USP32: variants seen among roughly 807,000 people sequenced by gnomAD.
The protein encoded by USP32 is ubiquitin carboxyl-terminal hydrolase 32.
A neutral mutation model predicts 204.8 loss-of-function variants in USP32; 59 were observed. That is an observed-to-expected ratio of 0.29 (90% CI 0.23 to 0.36). The LOEUF is 0.36. Ranked by LOEUF, USP32 falls within the 10% of genes least tolerant of loss-of-function variation. USP32 has a pLI of 1.00. For missense variants in USP32, 1,160 were observed against 1,946.4 expected, an observed-to-expected ratio of 0.60 and a Z score of 7.60; for synonymous variants, 517 against 678.4, an observed-to-expected ratio of 0.76 and a Z score of 3.70.
At chr17:60,180,183 G>A (rs535439001) in intron 33 of USP32, among the ~76,000 whole-genome samples, 1 of 151,834 alleles carries the variant, frequency 6.6e-6, no homozygotes, top group Non-Finnish European at 1.5e-5. Context: ...GCGCCAACAC[G>A]CCCAACTAAT....
chr17:60,386,320 T>C (rs377625284), intron 1 of USP32, among the ~76,000 whole-genome samples: 47 of 149,622 alleles, frequency 3.1e-4, no homozygotes, highest in African/African-American at 1.0e-3. Flanking sequence ...CCCACCTTAA[T>C]CTTCTCAGTA....
chr17:60,201,847 T>TG (rs1278890188), intron 26 of USP32, among the ~76,000 whole-genome samples: 1 of 152,084 alleles, frequency 6.6e-6, no homozygotes, highest in African/African-American at 2.4e-5. Flanking sequence ...TTAGTAGAGA[T>TG]GGAGTTTCAC....
chr17:60,402,404 C>T (rs2089943467), intron 1 of USP32, among the ~76,000 whole-genome samples: 1 of 151,986 alleles, frequency 6.6e-6, no homozygotes, highest in African/African-American at 2.4e-5. Flanking sequence ...GCACACACCA[C>T]CACACCTGGC....
At chr17:60,408,697 A>G (rs942293694) in intron 1 of USP32, among the ~76,000 whole-genome samples, 17 of 152,240 alleles carry the variant, frequency 1.1e-4, no homozygotes, top group African/African-American at 4.1e-4. Flanking sequence ...CAACTTTTAT[A>G]TAACAAAGTT....
intron 15 of USP32, among the ~76,000 whole-genome samples, chr17:60,220,601 A>T (rs1329931869): frequency 2.6e-5 from 4 of 152,198 alleles, no homozygotes; most frequent in Middle Eastern, 3.4e-3. Context: ...GTAGTAAATG[A>T]TCAATTTCAT....
chr17:60,312,860 A>T (rs1323157596), intron 2 of USP32, among the ~76,000 whole-genome samples: 1 of 152,208 alleles, frequency 6.6e-6, no homozygotes, highest in Non-Finnish European at 1.5e-5. Flanking sequence ...ACTCAAACAC[A>T]ACATAAGGCC....
At chr17:60,276,204 C>T (rs970208771) in intron 5 of USP32, among the ~76,000 whole-genome samples, 12 of 152,020 alleles carry the variant, frequency 7.9e-5, no homozygotes, top group African/African-American at 2.9e-4. Context: ...CATAGTGAGA[C>T]CCTGTTTCAA....
At chr17:60,413,187 AT>A (rs2090031680) in intron 1 of USP32, among the ~76,000 whole-genome samples, 2 of 152,338 alleles carry the variant, frequency 1.3e-5, no homozygotes, top group South Asian at 4.1e-4. Flanking sequence ...CTCATGACTT[AT>A]GTGCAGAGAT....
chr17:60,231,919 C>T (rs1292696915), intron 12 of USP32, among the ~76,000 whole-genome samples: 3 of 152,132 alleles, frequency 2.0e-5, no homozygotes, highest in African/African-American at 7.2e-5. Flanking sequence ...ATTCATGCTC[C>T]AGTGAATCAG....
intron 28 of USP32, among the ~76,000 whole-genome samples, chr17:60,192,490 A>G (rs2084411161): frequency 6.6e-6 from 1 of 152,038 alleles, no homozygotes; most frequent in Non-Finnish European, 1.5e-5. Flanking sequence ...GCTGGAGTGC[A>G]GTGGCATGAC....
Position 60,181,349 on chromosome 17 carries a change from G to T in USP32, c.4523C>A (p.Pro1508His), listed in dbSNP as rs773703910. 6.2e-7 allele frequency: 1 copy of T among 1,612,884 alleles called. No individual in the cohort carries two copies. Among genetic ancestry groups the T allele is most frequent in the Non-Finnish European group, 8.5e-7 (1 of 1,179,738 alleles). The stretch of plus-strand genomic sequence containing the variant: ...CGAAATTGCATATAGATTATAAATA[G>T]GCTTAATACGAGTATCTTCTCTTTG... The part of the protein sequence containing the change: ...DDQREDTRIK[P>H]IYNLYAISCH... The change falls in exon 32 of 34, where the codon CCT becomes CAT. Residue 1508 changes from proline to histidine, a missense_variant. Around this residue, in one of 8 missense-constraint regions of USP32, gnomAD observed 244 missense variants for 342.3 expected, o/e 0.71. Coordinates refer to ENST00000300896, the MANE Select transcript of USP32 (RefSeq NM_032582.4).
chr17:60,246,411 A>ATTTTTTTTTTT (rs199852454), intron 11 of USP32, among the ~76,000 whole-genome samples: 1 of 145,788 alleles, frequency 6.9e-6, no homozygotes, highest in African/African-American at 2.7e-5. Flanking sequence ...ATATATATAT[A>ATTTTTTTTTTT]TATTTTTTTT....
chr17:60,306,764 T>C (rs2087734576), intron 2 of USP32, among the ~76,000 whole-genome samples: 1 of 152,224 alleles, frequency 6.6e-6, no homozygotes, highest in African/African-American at 2.4e-5. Flanking sequence ...CCAGATAACA[T>C]GACCTTATAT....
Position 60,347,940 on chromosome 17 carries a change from A to G in USP32, c.59-2332T>C, listed in dbSNP as rs1427104722. The stretch of plus-strand genomic sequence containing the variant: ...GATCCAGACCATCCTGGCTAGCACA[A>G]TGAAACCCCGTCTCTACTAAAAATA... On this transcript the variant is annotated intron_variant, in intron 1 of 33. Transcript: ENST00000300896. Among the ~76,000 whole-genome samples the G allele has an allele frequency of 2.6e-5, 4 of 151,676 alleles. No homozygotes were observed. The East Asian group carries it at 6.0e-4, about 23-fold the overall frequency.
At chr17:60,292,232 C>T (rs544351094) in intron 4 of USP32, among the ~76,000 whole-genome samples, 3 of 152,100 alleles carry the variant, frequency 2.0e-5, no homozygotes, top group Non-Finnish European at 4.4e-5. Context: ...CTCTTCATCT[C>T]TCCAAACTCT....
At chr17:60,239,847 C>T (rs1228016714) in intron 11 of USP32, among the ~76,000 whole-genome samples, 2 of 152,176 alleles carry the variant, frequency 1.3e-5, no homozygotes, top group African/African-American at 2.4e-5. Context: ...GATTCTCCTG[C>T]CTCAACCTTC....
At chr17:60,214,586 A>C (rs745898376) in intron 17 of USP32, 34 bp downstream of exon 17, 1 of 1,588,208 alleles carries the variant, frequency 6.3e-7, no homozygotes, top group East Asian at 2.2e-5. Context: ...AATACCAACA[A>C]TCAGACTCTC....
At chr17:60,379,623 C>G (rs2089612343) in intron 1 of USP32, among the ~76,000 whole-genome samples, 1 of 152,146 alleles carries the variant, frequency 6.6e-6, no homozygotes, top group Non-Finnish European at 1.5e-5. Flanking sequence ...TCTTCTAACA[C>G]ATAGAGAACT....
intron 11 of USP32, among the ~76,000 whole-genome samples, chr17:60,243,865 G>A (rs375327977): frequency 1.3e-5 from 2 of 152,028 alleles, no homozygotes; most frequent in Admixed American, 6.5e-5. Context: ...ATAATAAAAT[G>A]TCTCTCTGGC....
Sources: allele counts gnomAD v4.1 joint callset (sites outside exome capture counted in the v4.1 genomes callset), GRCh38; gene constraint gnomAD v4.1.1; regional missense constraint gnomAD v4.1.1; transcripts MANE v1.5; gene names NCBI Gene and HGNC (gene_info 2026-07-23, HGNC 2026-07-21).